The following GFRAL variants were observed in gnomAD, a reference collection of about 807,000 sequenced individuals.
GFRAL encodes GDNF family receptor alpha like.
A neutral mutation model predicts 45.4 loss-of-function variants in GFRAL; 36 were observed. The observed-to-expected ratio is 0.79, with a 90% CI of 0.61 to 1.05. The LOEUF (loss-of-function observed/expected upper bound fraction) is 1.05. Among genes scored for constraint, GFRAL ranks in the 50% least tolerant of loss-of-function variants. The pLI is 0.00. For missense variants in GFRAL, 507 were observed against 467.5 expected, an observed-to-expected ratio of 1.08 and a Z score of -0.78; for synonymous variants, 166 against 154.1, an observed-to-expected ratio of 1.08 and a Z score of -0.57.
intron 5 of GFRAL, among the ~76,000 whole-genome samples, chr6:55,352,598 C>T (rs1244308332): frequency 6.6e-6 from 1 of 151,968 alleles, no homozygotes; most frequent in Non-Finnish European, 1.5e-5. Context: ...TGTTTATGTC[C>T]TTATTTGGTT....
chr6:55,332,524 A>T (rs1767843808), intron 2 of GFRAL, among the ~76,000 whole-genome samples: 1 of 151,676 alleles, frequency 6.6e-6, no homozygotes, highest in Non-Finnish European at 1.5e-5. Flanking sequence ...GGTTCAAACG[A>T]TTCTTTCTCC....
At position 55,336,407 on chromosome 6, in the gene GFRAL, AT is replaced by A. The variant is rs1395854303; in HGVS notation, c.316+2465del. On this transcript the variant is annotated intron_variant, in intron 3 of 8. Coordinates refer to ENST00000340465, the MANE Select transcript of GFRAL (RefSeq NM_207410.2). ...TATTTCTTCATTTATTTATAACTTC[AT>A]TGATGTAGTTCATCAGTATTTGATA... Among the ~76,000 whole-genome samples, 18 of 152,354 alleles carry A rather than the reference AT, an allele frequency of 1.2e-4. 1 individual carries two copies. The highest frequency in any genetic ancestry group is 4.3e-4 in the African/African-American group (18 of 41,594).
At chr6:55,346,842 C>CCCCCCCCCA (rs1554187942) in intron 3 of GFRAL, among the ~76,000 whole-genome samples, 1 of 98,192 alleles carries the variant, frequency 1.0e-5, no homozygotes, top group Non-Finnish European at 2.1e-5. Flanking sequence ...CCCCCCCCCC[C>CCCCCCCCCA]AAAAAAAAGA....
rs138790474 is a variant in GFRAL at position 55,339,174 on chromosome 6, C to T, written c.316+5230C>T. Among the ~76,000 whole-genome samples, 40 of 152,140 alleles carry T rather than the reference C, an allele frequency of 2.6e-4. No individual in the cohort carries two copies. The East Asian group carries it at 2.9e-3, about 11-fold the overall frequency. ...TATGAGGAATTTAAAATGTATTAAGCGTAATCTCCAGGTGGCTGGCTTGGG... is the reference window on the plus strand; with the variant it reads ...TATGAGGAATTTAAAATGTATTAAGTGTAATCTCCAGGTGGCTGGCTTGGG... On this transcript the variant is annotated intron_variant, in intron 3 of 8. Coordinates refer to ENST00000340465, the MANE Select transcript of GFRAL (RefSeq NM_207410.2).
At chr6:55,342,760 G>C (rs1033345029) in intron 3 of GFRAL, among the ~76,000 whole-genome samples, 5 of 152,092 alleles carry the variant, frequency 3.3e-5, no homozygotes, top group Admixed American at 6.6e-5. Flanking sequence ...AGACCCATCA[G>C]TGTGCTGTAT....
rs1185069145 is a variant in GFRAL, at chr6:55,402,417, T to C, written c.*564T>C. 7.0e-6 allele frequency: 1 copy of C among 142,620 alleles called. No homozygotes were observed. Among genetic ancestry groups the C allele is most frequent in the Non-Finnish European group, 1.6e-5 (1 of 63,214 alleles). 8.8% of individuals were successfully genotyped at this position (142,620 alleles called of 1,614,324 possible). On this transcript the variant is annotated 3_prime_UTR_variant, in exon 9 of 9. Transcript: ENST00000340465. ...TAATATGGCATGATGATGTTATTTTTTTCTTAATACTCAAGAAAAAATATA... is the reference window on the plus strand; with the variant it reads ...TAATATGGCATGATGATGTTATTTTCTTCTTAATACTCAAGAAAAAATATA...
chr6:55,384,657 T>C (rs946918003), intron 6 of GFRAL, among the ~76,000 whole-genome samples: 1 of 152,052 alleles, frequency 6.6e-6, no homozygotes, highest in East Asian at 1.9e-4. Context: ...CAGATGTGTG[T>C]CAGGGAGAGA....
At chr6:55,397,186 A>T (rs543755734) in intron 6 of GFRAL, among the ~76,000 whole-genome samples, 71 of 152,214 alleles carry the variant, frequency 4.7e-4, no homozygotes, top group African/African-American at 1.7e-3. Flanking sequence ...TCTTAAATAG[A>T]TGGTAATCCA....
At chr6:55,367,847 C>A (rs1227323791) in intron 6 of GFRAL, among the ~76,000 whole-genome samples, 1 of 151,830 alleles carries the variant, frequency 6.6e-6, no homozygotes, top group East Asian at 1.9e-4. Flanking sequence ...GAGGGTAACC[C>A]GACCTTTCTC....
At chr6:55,356,269 T>C (rs563995653) in intron 5 of GFRAL, among the ~76,000 whole-genome samples, 17 of 152,088 alleles carry the variant, frequency 1.1e-4, no homozygotes, top group African/African-American at 3.6e-4. Flanking sequence ...CCTCTATTGT[T>C]GGAAATATTT....
intron 6 of GFRAL, among the ~76,000 whole-genome samples, chr6:55,391,819 T>G (rs2127365796): frequency 6.6e-6 from 1 of 152,270 alleles, no homozygotes; most frequent in Non-Finnish European, 1.5e-5. Context: ...GTAGAGCTGG[T>G]TTTTAATCCA....
At chr6:55,367,783 G>A (rs1167088443) in intron 6 of GFRAL, among the ~76,000 whole-genome samples, 1 of 151,986 alleles carries the variant, frequency 6.6e-6, no homozygotes, top group African/African-American at 2.4e-5. Flanking sequence ...ACTCTCTTCT[G>A]GCTTGTAGGG....
rs1370493134 is a variant in GFRAL at position 55,395,517 on chromosome 6, T to C, written c.953-3663T>C. Among the ~76,000 whole-genome samples the C allele has an allele frequency of 2.0e-5, 3 of 152,040 alleles. No individual in the cohort carries two copies. The East Asian group carries it at 5.8e-4, about 29-fold the overall frequency. On this transcript the variant is annotated intron_variant, in intron 6 of 8. Coordinates refer to ENST00000340465, the MANE Select transcript of GFRAL (RefSeq NM_207410.2). ...TATTTTTTTCCCATGAAACTCATTC[T>C]AGATACAGGCATTTTTTCCCCCAAA...
chr6:55,367,575 G>C (rs1468738724), intron 6 of GFRAL, among the ~76,000 whole-genome samples: 1 of 151,322 alleles, frequency 6.6e-6, no homozygotes, highest in Non-Finnish European at 1.5e-5. Context: ...TGCAGCAGCT[G>C]GTACCGGTTG....
At chr6:55,367,556 G>C (rs926959621) in intron 6 of GFRAL, among the ~76,000 whole-genome samples, 3 of 150,558 alleles carry the variant, frequency 2.0e-5, no homozygotes, top group African/African-American at 7.4e-5. Flanking sequence ...TTACATTTTG[G>C]CATGATTTTG....
chr6:55,389,429 T>C (rs568684728), intron 6 of GFRAL, among the ~76,000 whole-genome samples: 3 of 152,292 alleles, frequency 2.0e-5, no homozygotes, highest in South Asian at 2.1e-4. Context: ...CATTGCTCCA[T>C]AGGTAATACT....
intron 1 of GFRAL, among the ~76,000 whole-genome samples, chr6:55,329,016 A>G (rs1767798510): frequency 6.6e-6 from 1 of 152,206 alleles, no homozygotes; most frequent in African/African-American, 2.4e-5. Flanking sequence ...TAAAACACTG[A>G]TATAATTTGC....
Position 55,401,766 on chromosome 6 carries a change from AACTTTT to A in GFRAL, c.1122-16_1122-11del. ...GAAATCCTTAAAATGGCATGTTGTT[AACTTTT>A]ACTTTTATTTTATACAGAACTTCCA... On this transcript the variant is annotated intron_variant, in intron 8 of 8. Coordinates refer to ENST00000340465, the MANE Select transcript of GFRAL (RefSeq NM_207410.2). 7.6e-7 allele frequency: 1 copy of A among 1,320,624 alleles called. No individual in the cohort carries two copies. The highest frequency in any genetic ancestry group is 1.1e-6 in the Non-Finnish European group (1 of 912,368). 81.8% of individuals were successfully genotyped at this position (1,320,624 alleles called of 1,614,324 possible). A position where few individuals can be genotyped will look rare whatever the true frequency, so the allele number is the denominator to read the frequency against.
At chr6:55,381,421 T>A (rs73744245) in intron 6 of GFRAL, among the ~76,000 whole-genome samples, 4,090 of 152,006 alleles carry the variant, frequency 0.027, 189 homozygotes, top group African/African-American at 0.09. Flanking sequence ...TTATTCATCT[T>A]ACTTGTCTGC....
Sources: gnomAD v4.1 joint callset for allele counts (sites outside exome capture counted in the v4.1 genomes callset) on GRCh38, gnomAD v4.1.1 for gene constraint, MANE v1.5 for transcripts, NCBI Gene and HGNC (gene_info 2026-07-23, HGNC 2026-07-21) for gene names.